DNAH14: variants seen among roughly 807,000 people sequenced by gnomAD.
DNAH14 encodes the protein dynein axonemal heavy chain 14.
Under a neutral mutation model 520.9 loss-of-function variants are expected in DNAH14, and 478 were observed. The observed-to-expected ratio is 0.92, with a 90% CI of 0.85 to 0.99. The LOEUF is 0.99. Ranked by LOEUF, DNAH14 falls within the 50% of genes least tolerant of loss-of-function variation. DNAH14 has a pLI of 0.00. For missense variants in DNAH14, 4,831 were observed against 5,234.5 expected, an observed-to-expected ratio of 0.92 and a Z score of 2.38; for synonymous variants, 1,581 against 1,757.2, an observed-to-expected ratio of 0.90 and a Z score of 2.51.
At chr1:225,283,038 AAAAATT>A (rs2093660419) in intron 54 of DNAH14, among the ~76,000 whole-genome samples, 1 of 151,942 alleles carries the variant, frequency 6.6e-6, no homozygotes, top group Non-Finnish European at 1.5e-5. Context: ...TTTAATGTAA[AAAAATT>A]AGAAGAGAAC....
rs186107506 is a variant in DNAH14, at chr1:225,043,986, A to T, written c.1912+3A>T. On this transcript the variant is annotated splice_donor_region_variant and intron_variant, in intron 15 of 85. Transcript: ENST00000682510. ...GACTAATATGGAAAAATGTATAAGTAAGTGTTTTTAAAGCTTAGTGAAATG... is the reference window on the plus strand; with the variant it reads ...GACTAATATGGAAAAATGTATAAGTTAGTGTTTTTAAAGCTTAGTGAAATG... The T allele has an allele frequency of 2.1e-4, 311 of 1,453,590 alleles. 1 individual carries two copies. Among genetic ancestry groups the T allele is most frequent in the Non-Finnish European group, 4.3e-5 (46 of 1,074,674 alleles). The allele number at this position is 1,453,590 out of a possible 1,614,324, so 90.0% of individuals were successfully genotyped here.
At chr1:225,350,966 T>C (rs913154927) in intron 71 of DNAH14, among the ~76,000 whole-genome samples, 1 of 152,178 alleles carries the variant, frequency 6.6e-6, no homozygotes, top group African/African-American at 2.4e-5. Context: ...CTGAATAACA[T>C]TGATGCAAAA....
At chr1:224,946,859 G>T (rs1271915294) in intron 1 of DNAH14, among the ~76,000 whole-genome samples, 3 of 144,854 alleles carry the variant, frequency 2.1e-5, no homozygotes, top group Non-Finnish European at 4.5e-5. Flanking sequence ...TTCCTAGCTG[G>T]ATTATTTTTC....
chr1:225,057,615 A>T (rs2069315154), intron 17 of DNAH14, among the ~76,000 whole-genome samples: 1 of 152,166 alleles, frequency 6.6e-6, no homozygotes, highest in Non-Finnish European at 1.5e-5. Flanking sequence ...CCAGTTTTCA[A>T]AGGGAATGCT....
chr1:225,192,256 G>A (rs2085539359), intron 37 of DNAH14, among the ~76,000 whole-genome samples: 2 of 152,070 alleles, frequency 1.3e-5, no homozygotes, highest in East Asian at 3.8e-4. Flanking sequence ...TTTTCTGCCT[G>A]ACATCTGAGA....
At chr1:225,274,197 A>ATTTTTTTTTTTTTTTTTTTTTTTT (rs869247051) in intron 52 of DNAH14, among the ~76,000 whole-genome samples, 1 of 92,882 alleles carries the variant, frequency 1.1e-5, no homozygotes, top group African/African-American at 4.0e-5. Context: ...AGCATCTGTT[A>ATTTTTTTTTTTTTTTTTTTTTTTT]TTTTTTTTTT....
Position 225,300,961 on chromosome 1 carries a change from A to T in DNAH14, c.8562A>T (p.Lys2854Asn). The T allele has an allele frequency of 6.4e-7, 1 of 1,551,434 alleles. No homozygotes were observed. The highest frequency in any genetic ancestry group is 2.0e-5 in the Admixed American group (1 of 51,002). The change falls in exon 56 of 86, where the codon AAA becomes AAT. Residue 2854 changes from lysine to asparagine, a missense_variant. Coordinates refer to ENST00000682510, the MANE Select transcript of DNAH14 (RefSeq NM_001367479.1). ...ENVELDSIAM[K>N]IRYLTEQSGH... The stretch of plus-strand genomic sequence containing the variant: ...TTGAGCTGGATTCTATTGCAATGAA[A>T]ATCAGATATCTTACTGAACAATCTG...
intron 33 of DNAH14, among the ~76,000 whole-genome samples, chr1:225,153,273 T>C (rs954937084): frequency 1.3e-5 from 2 of 152,128 alleles, no homozygotes; most frequent in Non-Finnish European, 2.9e-5. Flanking sequence ...TACTCCTGAG[T>C]TTCTAATTCT....
At chr1:225,281,640 G>A (rs900540597) in intron 54 of DNAH14, among the ~76,000 whole-genome samples, 3 of 151,992 alleles carry the variant, frequency 2.0e-5, no homozygotes, top group Non-Finnish European at 4.4e-5. Flanking sequence ...ATAATCAGAT[G>A]AAATGATAAT....
chr1:225,127,885 C>G (rs1056749112), intron 27 of DNAH14, among the ~76,000 whole-genome samples: 29 of 152,064 alleles, frequency 1.9e-4, no homozygotes, highest in African/African-American at 6.5e-4. Flanking sequence ...CCTTCAGGAG[C>G]TCTTTTAGGG....
chr1:225,352,949 A>G (rs1182335547), intron 72 of DNAH14, among the ~76,000 whole-genome samples: 1 of 152,084 alleles, frequency 6.6e-6, no homozygotes, highest in African/African-American at 2.4e-5. Flanking sequence ...ATAATTTATT[A>G]TACTGTAAGA....
At chr1:225,275,247 T>G (rs1271724748) in intron 52 of DNAH14, among the ~76,000 whole-genome samples, 1 of 152,222 alleles carries the variant, frequency 6.6e-6, no homozygotes, top group Non-Finnish European at 1.5e-5. Flanking sequence ...GTGGGATAAG[T>G]GCTGAGGACT....
In DNAH14 at chr1:224,952,715, A is replaced by G; in HGVS notation, c.13A>G (p.Ile5Val). The G allele has an allele frequency of 6.2e-7, 1 of 1,602,392 alleles. No homozygotes were observed. The highest frequency in any genetic ancestry group is 1.7e-4 in the Middle Eastern group (1 of 6,006). Residue 5 changes from isoleucine (I) to valine (V), a missense_variant, in exon 2 of 86, where the codon ATA becomes GTA. Ile to Val is a conservative substitution (Grantham distance 29). Coordinates refer to ENST00000682510, the MANE Select transcript of DNAH14 (RefSeq NM_001367479.1). The stretch of plus-strand genomic sequence containing the variant: ...TTCAGAAAAACATATGGAGACGTTT[A>G]TACCCATTGATTTGACAACTGAAAA... Reference protein sequence around the residue: METFIPIDLTTENQE... With the variant: METFVPIDLTTENQE...
chr1:225,077,528 G>A (rs1400283358), intron 17 of DNAH14, among the ~76,000 whole-genome samples: 1 of 152,002 alleles, frequency 6.6e-6, no homozygotes, highest in African/African-American at 2.4e-5. Flanking sequence ...TATTTGTATT[G>A]GAGTCTAAAT....
rs747894457 is a variant in DNAH14, at chr1:225,331,613, T to C, written c.9864+36T>C. 3 of 1,550,716 alleles carry C rather than the reference T, an allele frequency of 1.9e-6. No homozygotes were observed. In the South Asian group the frequency reaches 3.6e-5, roughly 18 times the overall value. On this transcript the variant is annotated intron_variant, in intron 65 of 85. Coordinates refer to ENST00000682510, the MANE Select transcript of DNAH14 (RefSeq NM_001367479.1). ...CTTTGGTCTTATATCTCGTCCATAA[T>C]TCCTACTGGGCCCAACAACCCCCAA...
chr1:225,116,043 A>T (rs2076848030), intron 23 of DNAH14, among the ~76,000 whole-genome samples: 1 of 152,218 alleles, frequency 6.6e-6, no homozygotes, highest in Non-Finnish European at 1.5e-5. Flanking sequence ...AAAGAGTTAG[A>T]TTAGAGAAGG....
chr1:225,144,693 A>T, intron 29 of DNAH14, 65 bp downstream of exon 29: 1 of 1,316,074 alleles, frequency 7.6e-7, no homozygotes, highest in Non-Finnish European at 1.0e-6. Flanking sequence ...CTTTGATGTT[A>T]TCTTAAATTT....
chr1:225,172,002 C>A (rs1424932101), intron 36 of DNAH14, among the ~76,000 whole-genome samples: 2 of 152,078 alleles, frequency 1.3e-5, no homozygotes, highest in African/African-American at 4.8e-5. Context: ...ATAAACAGAA[C>A]CAACGACAAA....
intron 33 of DNAH14, 88 bp from the exon 34 acceptor site, chr1:225,153,662 C>A: frequency 2.3e-6 from 2 of 866,394 alleles, no homozygotes; most frequent in Non-Finnish European, 3.5e-6. Flanking sequence ...GCATAGATTA[C>A]CTGTAATTTA....
Sources: allele counts gnomAD v4.1 joint callset (sites outside exome capture counted in the v4.1 genomes callset), GRCh38; gene constraint gnomAD v4.1.1; transcripts MANE v1.5; gene names NCBI Gene and HGNC (gene_info 2026-07-23, HGNC 2026-07-21).